Variants in LINGO2 observed in about 807,000 individuals in gnomAD.
The protein encoded by LINGO2 is leucine-rich repeat and immunoglobulin-like domain-containing nogo receptor-interacting protein 2.
In LINGO2, 14 loss-of-function variants were observed where a neutral mutation model predicts 30.6. The ratio of observed to expected loss-of-function variants is 0.46; its 90% CI spans 0.30 to 0.72. LINGO2 has a LOEUF of 0.72. LINGO2 is among the 30% of genes least tolerant of loss of function. LINGO2 has a pLI of 0.07. For synonymous variants in LINGO2, 317 were observed against 288.5 expected (o/e 1.10, Z -1.00); for missense variants, 729 against 751.7 (o/e 0.97, Z 0.35).
chr9:28,664,236 G>A (rs1828701707), intron 1 of LINGO2, among the ~76,000 whole-genome samples: 1 of 152,060 alleles, frequency 6.6e-6, no homozygotes, highest in South Asian at 2.1e-4. Flanking sequence ...GGGAATCTAG[G>A]ATGATTGGAC....
the LINGO2 span, among the ~76,000 whole-genome samples, chr9:28,881,704 A>G: frequency 1.3e-5 from 2 of 151,906 alleles, no homozygotes; most frequent in African/African-American, 4.8e-5. Flanking sequence ...ACATAAGTAA[A>G]CGTGTGTCAT....
chr9:27,978,441 G>GACTTCACCC (rs1465218901), intron 5 of LINGO2, among the ~76,000 whole-genome samples: 9 of 152,008 alleles, frequency 5.9e-5, no homozygotes, highest in Non-Finnish European at 1.3e-4. Flanking sequence ...AAGTGTTTAG[G>GACTTCACCC]TCATGAGGGT....
chr9:28,060,126 C>T (rs774855578), intron 4 of LINGO2, among the ~76,000 whole-genome samples: 2 of 152,010 alleles, frequency 1.3e-5, no homozygotes, highest in South Asian at 4.1e-4. Flanking sequence ...AGAGCACTAG[C>T]CAAAATGAAA....
intron 1 of LINGO2, among the ~76,000 whole-genome samples, chr9:28,526,055 CAAAA>C (rs58629857): frequency 2.9e-4 from 14 of 48,508 alleles, no homozygotes; most frequent in Admixed American, 1.7e-3. Context: ...GACTCCGTCT[CAAAA>C]AAAAAAAAAA....
At chr9:29,117,990 T>C in the LINGO2 span, among the ~76,000 whole-genome samples, 1 of 152,194 alleles carries the variant, frequency 6.6e-6, no homozygotes, top group Non-Finnish European at 1.5e-5. Flanking sequence ...GATCGCTGCA[T>C]AAAACAAGAA....
the LINGO2 span, among the ~76,000 whole-genome samples, chr9:29,094,969 T>C: frequency 7.3e-6 from 1 of 136,726 alleles, no homozygotes; most frequent in African/African-American, 2.7e-5. Context: ...ACATTTTCAT[T>C]AGTCAACTAA....
the LINGO2 span, among the ~76,000 whole-genome samples, chr9:28,947,847 C>A: frequency 2.1e-4 from 32 of 151,918 alleles, no homozygotes; most frequent in Non-Finnish European, 3.7e-4. Flanking sequence ...AACATGGATG[C>A]TCCAACTTCA....
chr9:28,390,251 C>A (rs982908040), intron 2 of LINGO2, among the ~76,000 whole-genome samples: 24 of 152,152 alleles, frequency 1.6e-4, no homozygotes, highest in Admixed American at 1.4e-3. Flanking sequence ...TCGCATCCAG[C>A]AGATGACTAC....
chr9:28,223,169 A>G (rs988274352), intron 4 of LINGO2, among the ~76,000 whole-genome samples: 5 of 152,204 alleles, frequency 3.3e-5, no homozygotes, highest in Non-Finnish European at 7.3e-5. Context: ...CTTCTGTAAC[A>G]AAATACCTGA....
chr9:28,815,974 A>C, the LINGO2 span, among the ~76,000 whole-genome samples: 1 of 152,166 alleles, frequency 6.6e-6, no homozygotes, highest in South Asian at 2.1e-4. Flanking sequence ...GGAGGTTAGA[A>C]AGTCTAAGAT....
chr9:28,010,685 G>A (rs561262588), intron 5 of LINGO2, among the ~76,000 whole-genome samples: 2 of 152,318 alleles, frequency 1.3e-5, no homozygotes, highest in Non-Finnish European at 2.9e-5. Flanking sequence ...ACAGTGGCTG[G>A]CTTACGCCTA....
At chr9:28,987,855 T>G in the LINGO2 span, among the ~76,000 whole-genome samples, 7 of 152,218 alleles carry the variant, frequency 4.6e-5, no homozygotes, top group East Asian at 1.9e-4. Context: ...AAATTCATCA[T>G]GCTATTGATT....
chr9:28,758,373 T>TA, the LINGO2 span, among the ~76,000 whole-genome samples: 2 of 152,082 alleles, frequency 1.3e-5, no homozygotes, highest in African/African-American at 4.8e-5. Flanking sequence ...TTTGTATTAG[T>TA]AACTTCAAGT....
rs190273635 is a variant in LINGO2 at position 28,224,102 on chromosome 9, T to C, written c.-87+71106A>G. On this transcript the variant is annotated intron_variant, in intron 4 of 5. Transcript: ENST00000379992. ...TTTTCTGAGACGGAGTCTCACTCTGTAGCCCAGGCTGGAGTGCAGTGGTGC... is the reference window on the plus strand; with the variant it reads ...TTTTCTGAGACGGAGTCTCACTCTGCAGCCCAGGCTGGAGTGCAGTGGTGC... Among the ~76,000 whole-genome samples the C allele has an allele frequency of 6.6e-5, 10 of 152,294 alleles. No homozygotes were observed. The East Asian group carries it at 1.9e-3, about 29-fold the overall frequency.
intron 5 of LINGO2, among the ~76,000 whole-genome samples, chr9:27,988,289 G>A (rs1370627992): frequency 6.6e-6 from 1 of 151,992 alleles, no homozygotes; most frequent in Non-Finnish European, 1.5e-5. Context: ...TTGCTATTGT[G>A]AATAGTGCCA....
chr9:28,293,188 C>T (rs936117003), intron 4 of LINGO2, among the ~76,000 whole-genome samples: 7 of 152,100 alleles, frequency 4.6e-5, no homozygotes, highest in Admixed American at 1.3e-4. Context: ...ACCTCCGACT[C>T]TTGGGCTCAA....
chr9:28,296,195 T>A (rs961649545), intron 3 of LINGO2, among the ~76,000 whole-genome samples: 3 of 152,216 alleles, frequency 2.0e-5, no homozygotes, highest in Non-Finnish European at 4.4e-5. Flanking sequence ...AACCTATGTA[T>A]AATCAGTAAC....
chr9:28,943,032 G>A, the LINGO2 span, among the ~76,000 whole-genome samples: 1 of 152,114 alleles, frequency 6.6e-6, no homozygotes, highest in Non-Finnish European at 1.5e-5. Flanking sequence ...GATAAAATAT[G>A]GCAATTGTAG....
intron 1 of LINGO2, among the ~76,000 whole-genome samples, chr9:28,561,262 A>G (rs1823042028): frequency 6.6e-6 from 1 of 151,916 alleles, no homozygotes; most frequent in African/African-American, 2.4e-5. Flanking sequence ...AACTCTGAAG[A>G]CATCATTGGA....
Sources: gnomAD v4.1 joint callset for allele counts (sites outside exome capture counted in the v4.1 genomes callset) on GRCh38, gnomAD v4.1.1 for gene constraint, MANE v1.5 for transcripts, NCBI Gene and HGNC (gene_info 2026-07-23, HGNC 2026-07-21) for gene names.